The following ASB3 variants were observed in gnomAD, a reference collection of about 807,000 sequenced individuals.
ASB3 encodes ankyrin repeat and SOCS box containing 3, also known as ankyrin repeat and SOCS box protein 3.
A neutral mutation model predicts 54.5 loss-of-function variants in ASB3; 41 were observed. The ratio of observed to expected loss-of-function variants is 0.75; its 90% CI spans 0.59 to 0.98. ASB3 has a LOEUF of 0.98. Ranked by LOEUF, ASB3 falls within the 50% of genes least tolerant of loss-of-function variation. ASB3 has a pLI of 0.00. For missense variants in ASB3, 733 were observed against 620.0 expected, an observed-to-expected ratio of 1.18 and a Z score of -1.94; for synonymous variants, 266 against 221.2, an observed-to-expected ratio of 1.20 and a Z score of -1.80.
intron 9 of ASB3, among the ~76,000 whole-genome samples, chr2:53,678,995 A>G (rs572582062): frequency 6.6e-6 from 1 of 151,986 alleles, no homozygotes; most frequent in South Asian, 2.1e-4. Flanking sequence ...GCCACACCCA[A>G]TCTTTAACAT....
At chr2:53,782,368 C>A (rs923612831) in intron 1 of ASB3, among the ~76,000 whole-genome samples, 4 of 152,080 alleles carry the variant, frequency 2.6e-5, no homozygotes, top group Non-Finnish European at 4.4e-5. Context: ...AACACACACA[C>A]ATGCATACAT....
chr2:53,675,197 C>G (rs944992651), intron 9 of ASB3, among the ~76,000 whole-genome samples: 1 of 152,164 alleles, frequency 6.6e-6, no homozygotes, highest in African/African-American at 2.4e-5. Flanking sequence ...AAACACCACA[C>G]AAATCCCAGG....
chr2:53,778,137 G>A (rs1378229331), intron 1 of ASB3, among the ~76,000 whole-genome samples: 1 of 133,504 alleles, frequency 7.5e-6, no homozygotes, highest in Non-Finnish European at 1.5e-5. Context: ...CAACAGAGCA[G>A]GATTCTTGTC....
rs201973527 is a variant in ASB3 at position 53,716,570 on chromosome 2, T to C, written c.778A>G (p.Thr260Ala). The C allele has an allele frequency of 2.5e-6, 4 of 1,611,516 alleles. No homozygotes were observed. Among genetic ancestry groups the C allele is most frequent in the East Asian group, 4.5e-5 (2 of 44,840 alleles). The change falls in exon 6 of 10, where the codon ACA becomes GCA. Residue 260 changes from threonine to alanine, a missense_variant. Thr to Ala is a moderately conservative substitution (Grantham distance 58). Transcript: ENST00000263634. ...PIHAAAQMGH[T>A]KILDLLIPLT... ...TTTTCTGTTTTTAACACTTACTTTG[T>C]ATGGCCCATTTGTGCAGCTGCATGA...
intron 9 of ASB3, among the ~76,000 whole-genome samples, chr2:53,682,412 GTATTT>G (rs1668422420): frequency 1.3e-5 from 2 of 152,020 alleles, no homozygotes; most frequent in African/African-American, 4.8e-5. Flanking sequence ...TAATTCCTAG[GTATTT>G]TATTTTATTT....
chr2:53,680,298 T>C (rs1668300252), intron 9 of ASB3, among the ~76,000 whole-genome samples: 4 of 152,226 alleles, frequency 2.6e-5, no homozygotes, highest in Admixed American at 1.3e-4. Context: ...TGTCTGCTTT[T>C]AGGTCTTTGA....
intron 2 of ASB3, among the ~76,000 whole-genome samples, chr2:53,759,688 A>G (rs1303398664): frequency 1.3e-5 from 2 of 152,226 alleles, no homozygotes; most frequent in African/African-American, 4.8e-5. Context: ...GATTGCTTCC[A>G]GTATGGTTTA....
intron 3 of ASB3, among the ~76,000 whole-genome samples, chr2:53,735,421 T>A (rs1671567363): frequency 6.6e-6 from 1 of 150,958 alleles, no homozygotes; most frequent in African/African-American, 2.4e-5. Flanking sequence ...AGGCATAAAT[T>A]TAATAAAACA....
intron 1 of ASB3, among the ~76,000 whole-genome samples, chr2:53,778,094 A>T (rs1253125778): frequency 1.3e-5 from 2 of 148,436 alleles, no homozygotes; most frequent in Non-Finnish European, 3.0e-5. Flanking sequence ...GGTTGCAGTG[A>T]GCCAAGATGG....
intron 9 of ASB3, among the ~76,000 whole-genome samples, chr2:53,692,330 A>T (rs1006766726): frequency 6.6e-6 from 1 of 152,192 alleles, no homozygotes; most frequent in Non-Finnish European, 1.5e-5. Flanking sequence ...ATATGTCAAG[A>T]TGTGAGATAG....
At chr2:53,766,828 G>C (rs1012606772) in intron 1 of ASB3, among the ~76,000 whole-genome samples, 1 of 151,974 alleles carries the variant, frequency 6.6e-6, no homozygotes, top group African/African-American at 2.4e-5. Context: ...GCTTCCTGCT[G>C]ATTTCTTTAT....
chr2:53,699,275 TATC>T (rs1461466376), intron 8 of ASB3, among the ~76,000 whole-genome samples: 1 of 152,200 alleles, frequency 6.6e-6, no homozygotes, highest in African/African-American at 2.4e-5. Flanking sequence ...CACCTCCAAA[TATC>T]ATCAACAAAT....
intron 3 of ASB3, among the ~76,000 whole-genome samples, 194 bp from the exon 4 acceptor site, chr2:53,729,764 T>C (rs1215950014): frequency 1.3e-5 from 2 of 152,184 alleles, no homozygotes; most frequent in Non-Finnish European, 2.9e-5. Flanking sequence ...TGCAAAATGA[T>C]TTTCAATAGC....
In ASB3 at chr2:53,764,264, T is replaced by G. The variant is rs1364956074; in HGVS notation, c.196+1113A>C. Among the ~76,000 whole-genome samples, 4 of 152,198 alleles carry G rather than the reference T, an allele frequency of 2.6e-5. No homozygotes were observed. In the South Asian group the frequency reaches 8.3e-4, roughly 31 times the overall value. On this transcript the variant is annotated intron_variant, in intron 2 of 9. Coordinates refer to ENST00000263634, the MANE Select transcript of ASB3 (RefSeq NM_016115.5). Reference sequence around the variant, plus strand: ...CTGAGTGTTACAATGCAGAGTATTATAGTCAACCTCATTTTAACTGAATGC... The same window carrying G: ...CTGAGTGTTACAATGCAGAGTATTAGAGTCAACCTCATTTTAACTGAATGC...
intron 3 of ASB3, among the ~76,000 whole-genome samples, chr2:53,741,123 A>G (rs1255984073): frequency 1.3e-5 from 2 of 152,230 alleles, no homozygotes; most frequent in African/African-American, 2.4e-5. Context: ...TTCCCTATCA[A>G]AGAAAAAGTG....
chr2:53,750,263 A>G (rs986125442), intron 3 of ASB3, among the ~76,000 whole-genome samples: 5 of 152,160 alleles, frequency 3.3e-5, no homozygotes, highest in African/African-American at 1.2e-4. Flanking sequence ...CAGTTATTGG[A>G]AGAAAGCCAT....
chr2:53,727,715 TTTTC>T (rs762229234), intron 5 of ASB3, among the ~76,000 whole-genome samples: 16 of 151,812 alleles, frequency 1.1e-4, no homozygotes, highest in South Asian at 6.2e-4. Flanking sequence ...AAAGCCTGGG[TTTTC>T]TTTCTTTCTT....
chr2:53,730,200 A>AT (rs1234715313), intron 3 of ASB3, among the ~76,000 whole-genome samples: 1 of 152,332 alleles, frequency 6.6e-6, no homozygotes, highest in East Asian at 1.9e-4. Context: ...TTATGGAGGA[A>AT]TTTAAGCACG....
At chr2:53,706,296 GATTC>G (rs1350815705) in intron 7 of ASB3, among the ~76,000 whole-genome samples, 1 of 152,232 alleles carries the variant, frequency 6.6e-6, no homozygotes, top group Admixed American at 6.5e-5. Flanking sequence ...TATAATTATT[GATTC>G]ATTAATTCAC....
Sources: allele counts gnomAD v4.1 joint callset (sites outside exome capture counted in the v4.1 genomes callset), GRCh38; gene constraint gnomAD v4.1.1; transcripts MANE v1.5; gene names NCBI Gene and HGNC (gene_info 2026-07-23, HGNC 2026-07-21).